STPG2: variants seen among roughly 807,000 people sequenced by gnomAD.
STPG2 encodes sperm-tail PG-rich repeat-containing protein 2.
A neutral mutation model predicts 54.2 loss-of-function variants in STPG2; 56 were observed. The ratio of observed to expected loss-of-function variants is 1.03; its 90% CI spans 0.83 to 1.29. The LOEUF (loss-of-function observed/expected upper bound fraction) is 1.29, where lower values mean the gene tolerates loss of function less well. STPG2 is among the 50% of genes most tolerant of loss of function. The pLI is 0.00. For missense variants in STPG2, 596 were observed against 544.9 expected (o/e 1.09, Z -0.93); for synonymous variants, 200 against 181.8 (o/e 1.10, Z -0.81).
intron 4 of STPG2, among the ~76,000 whole-genome samples, chr4:97,519,489 A>G (rs543251390): frequency 6.6e-6 from 1 of 152,126 alleles, no homozygotes; most frequent in African/African-American, 2.4e-5. Flanking sequence ...AGGACTGCCA[A>G]ATTTCCCCTA....
intron 8 of STPG2, among the ~76,000 whole-genome samples, chr4:97,904,294 T>G (rs1731308391): frequency 1.3e-5 from 2 of 152,204 alleles, no homozygotes; most frequent in African/African-American, 2.4e-5. Context: ...CCCTGACCCC[T>G]GACCCCCGAG....
intron 4 of STPG2, among the ~76,000 whole-genome samples, chr4:97,549,201 C>A (rs1412036905): frequency 1.3e-5 from 2 of 152,074 alleles, no homozygotes; most frequent in Non-Finnish European, 2.9e-5. Context: ...TCTCCATCTG[C>A]AGTTAGGATA....
intron 8 of STPG2, among the ~76,000 whole-genome samples, chr4:97,889,734 C>CAGTAG (rs972711227): frequency 6.6e-6 from 1 of 152,020 alleles, no homozygotes; most frequent in Non-Finnish European, 1.5e-5. Flanking sequence ...TTCATTCAGA[C>CAGTAG]AGTAGGAAAA....
chr4:97,531,741 T>A lies in STPG2; in HGVS notation c.462+180958A>T, dbSNP rs144502847. Among the ~76,000 whole-genome samples the A allele has an allele frequency of 6.9e-3, 1,054 of 152,226 alleles. 28 individuals carry two copies. Among genetic ancestry groups the A allele is most frequent in the Middle Eastern group, 0.058 (17 of 294 alleles). On this transcript the variant is annotated intron_variant, in intron 4 of 4. Coordinates refer to the STPG2 transcript ENST00000522676. Reference sequence around the variant, plus strand: ...GGTAATGGGGGGATTGGAGGATATGTGGGAATGGTCAATGGGTACAAAAAT... The same window carrying A: ...GGTAATGGGGGGATTGGAGGATATGAGGGAATGGTCAATGGGTACAAAAAT...
intron 8 of STPG2, among the ~76,000 whole-genome samples, chr4:97,861,494 T>G (rs941398844): frequency 6.6e-6 from 1 of 152,098 alleles, no homozygotes. Flanking sequence ...CACTGCTAGG[T>G]GTATACCCAT....
chr4:97,531,461 T>C (rs1251589212), intron 4 of STPG2, among the ~76,000 whole-genome samples: 1 of 152,202 alleles, frequency 6.6e-6, no homozygotes, highest in Non-Finnish European at 1.5e-5. Context: ...GCAACCTAAG[T>C]GTCCATCAGC....
intron 4 of STPG2, among the ~76,000 whole-genome samples, chr4:97,458,845 G>C (rs879407670): frequency 6.6e-6 from 1 of 152,074 alleles, no homozygotes; most frequent in Non-Finnish European, 1.5e-5. Context: ...GAAAGACTGA[G>C]GAAGTGTTCT....
intron 4 of STPG2, among the ~76,000 whole-genome samples, chr4:97,511,319 T>C (rs1255474837): frequency 6.6e-6 from 1 of 151,886 alleles, no homozygotes; most frequent in Non-Finnish European, 1.5e-5. Context: ...TATGTTAATA[T>C]CTGATTAAGA....
intron 5 of STPG2, among the ~76,000 whole-genome samples, chr4:98,015,941 G>A (rs1278899502): frequency 6.6e-6 from 1 of 152,070 alleles, no homozygotes; most frequent in African/African-American, 2.4e-5. Flanking sequence ...ATTATTCTCA[G>A]CAAACTAACA....
At chr4:97,509,823 T>TA (rs1163583833) in intron 4 of STPG2, among the ~76,000 whole-genome samples, 1 of 152,064 alleles carries the variant, frequency 6.6e-6, no homozygotes, top group Non-Finnish European at 1.5e-5. Flanking sequence ...GTAATCCGGG[T>TA]AAAAATGTTA....
chr4:97,493,163 C>T (rs142798896), intron 4 of STPG2, among the ~76,000 whole-genome samples: 1 of 150,666 alleles, frequency 6.6e-6, no homozygotes, highest in Non-Finnish European at 1.5e-5. Flanking sequence ...AGTAAAACGT[C>T]GGTTATTACA....
At chr4:97,613,780 A>T (rs1002713387) in intron 10 of STPG2, among the ~76,000 whole-genome samples, 7 of 151,988 alleles carry the variant, frequency 4.6e-5, no homozygotes, top group Admixed American at 2.0e-4. Flanking sequence ...TTGACCATTT[A>T]GATGCTTCTA....
intron 8 of STPG2, among the ~76,000 whole-genome samples, chr4:97,925,676 AC>A (rs1171856878): frequency 9.9e-5 from 15 of 152,206 alleles, no homozygotes; most frequent in African/African-American, 3.6e-4. Flanking sequence ...AGTGAGAGTA[AC>A]AAAATACAGT....
chr4:98,035,771 A>G (rs1736756761), intron 5 of STPG2, among the ~76,000 whole-genome samples: 1 of 152,180 alleles, frequency 6.6e-6, no homozygotes, highest in African/African-American at 2.4e-5. Flanking sequence ...CAGCCATAAA[A>G]AAGGATGAGT....
chr4:97,578,147 CA>C (rs1167438047), intron 10 of STPG2, among the ~76,000 whole-genome samples: 1 of 145,998 alleles, frequency 6.8e-6, no homozygotes, highest in Non-Finnish European at 1.5e-5. Context: ...TGCTGTCACC[CA>C]GACTGGAGTG....
At chr4:97,453,819 G>A (rs1729441014) in intron 4 of STPG2, among the ~76,000 whole-genome samples, 1 of 152,168 alleles carries the variant, frequency 6.6e-6, no homozygotes, top group Non-Finnish European at 1.5e-5. Context: ...CACAAACTTA[G>A]AAGTATGCAT....
chr4:98,028,538 T>C (rs1736499228), intron 5 of STPG2, among the ~76,000 whole-genome samples: 1 of 152,230 alleles, frequency 6.6e-6, no homozygotes, highest in Admixed American at 6.5e-5. Flanking sequence ...TAGCAGTAAG[T>C]ATCTTTAACG....
chr4:97,772,577 T>C (rs957155407), intron 9 of STPG2, among the ~76,000 whole-genome samples: 1 of 152,204 alleles, frequency 6.6e-6, no homozygotes, highest in Admixed American at 6.5e-5. Flanking sequence ...GTAATTTTTG[T>C]AAAATGTTTG....
chr4:97,822,667 T>C (rs964239626), intron 9 of STPG2, among the ~76,000 whole-genome samples: 7 of 152,188 alleles, frequency 4.6e-5, no homozygotes, highest in African/African-American at 1.4e-4. Context: ...CTTTTACTTA[T>C]GGCAGAAGAC....
Sources: allele counts gnomAD v4.1 joint callset (sites outside exome capture counted in the v4.1 genomes callset), GRCh38; gene constraint gnomAD v4.1.1; transcripts MANE v1.5; gene names NCBI Gene and HGNC (gene_info 2026-07-23, HGNC 2026-07-21).